The following JAK1 variants were observed in gnomAD, a reference collection of about 807,000 sequenced individuals.
JAK1 encodes tyrosine-protein kinase JAK1.
Under a neutral mutation model 136.6 loss-of-function variants are expected in JAK1, and 16 were observed. The observed-to-expected ratio is 0.12, with a 90% CI of 0.08 to 0.18. The LOEUF (loss-of-function observed/expected upper bound fraction) is 0.18, where lower values mean the gene tolerates loss of function less well. JAK1 is among the 10% of genes least tolerant of loss of function. JAK1 has a pLI of 1.00. For synonymous variants in JAK1, 492 were observed against 519.5 expected, an observed-to-expected ratio of 0.95 and a Z score of 0.72; for missense variants, 859 against 1,450.1, an observed-to-expected ratio of 0.59 and a Z score of 6.62.
chr1:64,918,000 C>G (rs922959573), intron 1 of JAK1, among the ~76,000 whole-genome samples: 1 of 152,210 alleles, frequency 6.6e-6, no homozygotes, highest in African/African-American at 2.4e-5. Context: ...CCATGAAGCT[C>G]TTCTCCTGGG....
intron 2 of JAK1, among the ~76,000 whole-genome samples, chr1:64,996,341 C>T (rs1338594984): frequency 1.3e-5 from 2 of 152,144 alleles, no homozygotes; most frequent in African/African-American, 4.8e-5. Context: ...CTTGACACTT[C>T]AATCCAGTGT....
intron 22 of JAK1, 63 bp downstream of exon 22, chr1:64,837,869 G>T (rs959959361): frequency 7.4e-7 from 1 of 1,356,412 alleles, no homozygotes; most frequent in Non-Finnish European, 1.0e-6. Flanking sequence ...GCCAGAAAGG[G>T]CCTATTAAAA....
chr1:64,847,776 G>A, intron 12 of JAK1, 101 bp from the exon 13 acceptor site: 1 of 1,354,332 alleles, frequency 7.4e-7, no homozygotes, highest in Admixed American at 2.1e-5. Flanking sequence ...TCAATGGGAT[G>A]GGGCAAAGGC....
upstream of JAK1, among the ~76,000 whole-genome samples, chr1:64,968,661 G>A (rs1646421339): frequency 6.6e-6 from 1 of 152,190 alleles, no homozygotes; most frequent in African/African-American, 2.4e-5. Context: ...GCCAGGTGCA[G>A]TGGCTCACGC....
intron 2 of JAK1, among the ~76,000 whole-genome samples, chr1:65,015,547 A>G (rs978215435): frequency 6.6e-6 from 1 of 152,214 alleles, no homozygotes; most frequent in African/African-American, 2.4e-5. Flanking sequence ...AGCAAAATGT[A>G]AAGTGATAGA....
intron 1 of JAK1, among the ~76,000 whole-genome samples, chr1:65,055,887 C>G (rs1468190936): frequency 6.6e-6 from 1 of 152,152 alleles, no homozygotes; most frequent in Admixed American, 6.5e-5. Flanking sequence ...ACCCCACAGG[C>G]CTGGTTGTAG....
intron 1 of JAK1, among the ~76,000 whole-genome samples, chr1:65,050,322 GAA>G (rs1223655036): frequency 1.3e-5 from 2 of 152,334 alleles, no homozygotes; most frequent in African/African-American, 4.8e-5. Context: ...TGCTCTGAAG[GAA>G]AAGCACAAAG....
intron 1 of JAK1, among the ~76,000 whole-genome samples, chr1:64,893,498 C>A (rs1361190659): frequency 6.6e-6 from 1 of 152,168 alleles, no homozygotes; most frequent in East Asian, 1.9e-4. Flanking sequence ...GCTCTAACAC[C>A]CACTGTCTGA....
Position 64,866,909 on chromosome 1 carries a change from A to T in JAK1, c.947T>A (p.Met316Lys). Reference protein sequence around the residue: ...DGGNVLYYEVMVTGNLGIQWR... With the variant: ...DGGNVLYYEVKVTGNLGIQWR... ...CTGGATTCCAAGATTCCCAGTCACC[A>T]TCACTTCGTAGTAGAGAACGTTTCC... The change falls in exon 7 of 25, where the codon ATG (methionine) becomes AAG (lysine). Residue 316 changes from methionine to lysine, a missense_variant. By Grantham distance (95) the Met-to-Lys change is moderately conservative (BLOSUM62 -1). Transcript: ENST00000342505. The T allele has an allele frequency of 1.2e-6, 2 of 1,613,468 alleles. No homozygotes were observed. The highest frequency in any genetic ancestry group is 1.7e-6 in the Non-Finnish European group (2 of 1,179,374).
intron 2 of JAK1, among the ~76,000 whole-genome samples, chr1:65,024,756 C>A (rs1646964236): frequency 1.3e-5 from 2 of 151,452 alleles, no homozygotes; most frequent in African/African-American, 4.9e-5. Flanking sequence ...GTGGGCAGAT[C>A]ACATGAGGTC....
At chr1:64,943,264 A>G (rs1207640217) in intron 1 of JAK1, among the ~76,000 whole-genome samples, 2 of 152,186 alleles carry the variant, frequency 1.3e-5, no homozygotes, top group African/African-American at 4.8e-5. Flanking sequence ...GATGACCATA[A>G]CACCCTGATT....
intron 4 of JAK1, 136 bp from the exon 5 acceptor site, chr1:64,873,659 A>C (rs1159647528): frequency 1.6e-5 from 14 of 878,426 alleles, no homozygotes; most frequent in Non-Finnish European, 2.3e-5. Flanking sequence ...TGCCCCTTGT[A>C]GCCCCTCACC....
chr1:65,029,253 T>G (rs1647003566), intron 2 of JAK1, among the ~76,000 whole-genome samples: 1 of 152,118 alleles, frequency 6.6e-6, no homozygotes, highest in Non-Finnish European at 1.5e-5. Flanking sequence ...TGCACCACTG[T>G]GCCCAGCTAA....
intron 2 of JAK1, among the ~76,000 whole-genome samples, chr1:65,043,700 A>ATTTT (rs112982943): frequency 1.2e-3 from 122 of 101,152 alleles, no homozygotes; most frequent in Non-Finnish European, 1.8e-3. Flanking sequence ...CACCTGGCTA[A>ATTTT]TTTTTTTTTT....
At chr1:64,840,565 T>C (rs1439283202) in intron 19 of JAK1, among the ~76,000 whole-genome samples, 1 of 152,224 alleles carries the variant, frequency 6.6e-6, no homozygotes, top group African/African-American at 2.4e-5. Flanking sequence ...GGGCTGGGTA[T>C]GGTGGCTTAT....
intron 1 of JAK1, among the ~76,000 whole-genome samples, chr1:64,912,832 G>C (rs544205375): frequency 6.6e-6 from 1 of 152,156 alleles, no homozygotes; most frequent in Non-Finnish European, 1.5e-5. Context: ...TGCATCAAAG[G>C]TAATTTTTTC....
rs1490560356 is a variant in JAK1 at position 64,860,199 on chromosome 1, G to A, written c.1240C>T (p.Arg414Trp). ...TAATGATGGGCATCTGCTGTGAGCC[G>A]GAAGTAGCCATCTACCAGGGACACA... ...SFVSLVDGYF[R>W]LTADAHHYLC... Residue 414 changes from arginine to tryptophan, a missense_variant, in exon 9 of 25, where the codon CGG becomes TGG. Physicochemically the swap from Arg to Trp is moderately radical, Grantham distance 101. Coordinates refer to ENST00000342505, the MANE Select transcript of JAK1 (RefSeq NM_002227.4). 6.2e-7 allele frequency: 1 copy of A among 1,611,692 alleles called. No individual in the cohort carries two copies. Among genetic ancestry groups the A allele is most frequent in the Non-Finnish European group, 8.5e-7 (1 of 1,178,266 alleles).
intron 2 of JAK1, among the ~76,000 whole-genome samples, chr1:64,981,255 C>G (rs1646542689): frequency 6.6e-6 from 1 of 152,324 alleles, no homozygotes; most frequent in Admixed American, 6.5e-5. Flanking sequence ...ATCTCTCTCT[C>G]TGTCCTGAAT....
chr1:65,054,404 T>C (rs1311396346), intron 1 of JAK1, among the ~76,000 whole-genome samples: 1 of 152,140 alleles, frequency 6.6e-6, no homozygotes, highest in Non-Finnish European at 1.5e-5. Flanking sequence ...GTCTCTTATA[T>C]ATATGATTTT....
Sources: gnomAD v4.1 joint callset for allele counts (sites outside exome capture counted in the v4.1 genomes callset) on GRCh38, gnomAD v4.1.1 for gene constraint, MANE v1.5 for transcripts, NCBI Gene and HGNC (gene_info 2026-07-23, HGNC 2026-07-21) for gene names.